The following PAPPA variants were observed in gnomAD, a reference collection of about 807,000 sequenced individuals.
PAPPA encodes pappalysin 1.
In PAPPA, 60 loss-of-function variants were observed where a neutral mutation model predicts 164.0. The observed-to-expected ratio is 0.37, with a 90% CI of 0.30 to 0.45. The LOEUF (loss-of-function observed/expected upper bound fraction) is 0.45, where lower values mean the gene tolerates loss of function less well. Ranked by LOEUF, PAPPA falls within the 20% of genes least tolerant of loss-of-function variation. The pLI, the probability that PAPPA is intolerant of heterozygous loss-of-function variation, is 1.00. For synonymous variants in PAPPA, 875 were observed against 814.1 expected, an observed-to-expected ratio of 1.07 and a Z score of -1.27; for missense variants, 1,782 against 2,087.3, an observed-to-expected ratio of 0.85 and a Z score of 2.85.
At chr9:116,276,753 T>A (rs1303163528) in intron 9 of PAPPA, among the ~76,000 whole-genome samples, 1 of 152,116 alleles carries the variant, frequency 6.6e-6, no homozygotes, top group African/African-American at 2.4e-5. Flanking sequence ...GCCATTAGCA[T>A]CACTCTGTGA....
At chr9:116,174,019 A>G (rs1843802592) in intron 1 of PAPPA, among the ~76,000 whole-genome samples, 1 of 152,196 alleles carries the variant, frequency 6.6e-6, no homozygotes, top group Non-Finnish European at 1.5e-5. Flanking sequence ...TCACTTGGCC[A>G]ACAGGTTACT....
chr9:116,360,191 A>G (rs1224651648), intron 17 of PAPPA, among the ~76,000 whole-genome samples: 1 of 152,242 alleles, frequency 6.6e-6, no homozygotes, highest in African/African-American at 2.4e-5. Context: ...CCAAGGCTCC[A>G]GGAAATTGGG....
At chr9:116,208,858 G>T (rs926864458) in intron 3 of PAPPA, among the ~76,000 whole-genome samples, 2 of 152,140 alleles carry the variant, frequency 1.3e-5, no homozygotes, top group Non-Finnish European at 2.9e-5. Context: ...GTGTGCATGT[G>T]TGTGGTTGTA....
At chr9:116,371,078 G>A (rs1846566699) in intron 19 of PAPPA, among the ~76,000 whole-genome samples, 1 of 152,152 alleles carries the variant, frequency 6.6e-6, no homozygotes, top group Non-Finnish European at 1.5e-5. Flanking sequence ...AACCAGGCAG[G>A]TGGAGAAATG....
chr9:116,266,324 C>T (rs1424433414), intron 8 of PAPPA, among the ~76,000 whole-genome samples: 1 of 152,200 alleles, frequency 6.6e-6, no homozygotes, highest in Non-Finnish European at 1.5e-5. Flanking sequence ...TCACAGCGTA[C>T]ATTCAGTTAA....
At chr9:116,157,746 A>G (rs1477296553) in intron 1 of PAPPA, among the ~76,000 whole-genome samples, 3 of 152,052 alleles carry the variant, frequency 2.0e-5, no homozygotes, top group Admixed American at 6.5e-5. Flanking sequence ...ACACGGACCC[A>G]CCACCCACAC....
At chr9:116,373,424 A>G (rs978680245) in intron 19 of PAPPA, 12 of 151,902 alleles carry the variant, frequency 7.9e-5, no homozygotes, top group African/African-American at 2.9e-4. Flanking sequence ...GCAAATAATT[A>G]ATAATAATAA....
At chr9:116,196,452 T>C (rs1462145145) in intron 2 of PAPPA, among the ~76,000 whole-genome samples, 1 of 152,188 alleles carries the variant, frequency 6.6e-6, no homozygotes, top group Non-Finnish European at 1.5e-5. Flanking sequence ...CCTTCCAGGT[T>C]AGGAAACAAA....
Position 116,302,788 on chromosome 9 carries a change from T to C in PAPPA, c.2985T>C (p.Gly995=). 2 of 1,613,640 alleles carry C rather than the reference T, an allele frequency of 1.2e-6. No individual in the cohort carries two copies. The highest frequency in any genetic ancestry group is 1.7e-6 in the Non-Finnish European group (2 of 1,179,684). ...CCAGCCGGTGCTATTTCCATGATGG[T>C]GATGGGGTATGTGAGGAGTTTGAAC... ...DEPSRCYFHD[G]DGVCEEFEQK... The change falls in exon 10 of 22, where the codon GGT becomes GGC. Residue 995 remains glycine (G), a synonymous_variant. Coordinates refer to ENST00000328252, the MANE Select transcript of PAPPA (RefSeq NM_002581.5).
At position 116,156,336 on chromosome 9, in the gene PAPPA, A is replaced by G. The variant is rs866495579; in HGVS notation, c.415+1749A>G. Among the ~76,000 whole-genome samples, 109 of 75,734 alleles carry G rather than the reference A, an allele frequency of 1.4e-3. 2 individuals are homozygous for G. The highest frequency in any genetic ancestry group is 8.3e-4 in the East Asian group (3 of 3,626). 49.7% of individuals were successfully genotyped at this position (75,734 alleles called of 152,430 possible). On this transcript the variant is annotated intron_variant, in intron 1 of 21. Coordinates refer to ENST00000328252, the MANE Select transcript of PAPPA (RefSeq NM_002581.5). Reference sequence around the variant, plus strand: ...TATATGTGTGTATATATATATGTGTATATATATATATGTATATATATATAT... The same window carrying G: ...TATATGTGTGTATATATATATGTGTGTATATATATATGTATATATATATAT...
chr9:116,201,191 G>A (rs1439693712), intron 2 of PAPPA, among the ~76,000 whole-genome samples: 2 of 152,188 alleles, frequency 1.3e-5, no homozygotes, highest in Non-Finnish European at 2.9e-5. Flanking sequence ...TCACAGCTTG[G>A]AGAAAGCTTG....
intron 9 of PAPPA, among the ~76,000 whole-genome samples, chr9:116,285,655 G>A (rs1845329713): frequency 6.6e-6 from 1 of 152,134 alleles, no homozygotes; most frequent in Non-Finnish European, 1.5e-5. Flanking sequence ...TGTACCTCAT[G>A]AGGGTCAGAA....
chr9:116,307,576 G>A (rs1343816086), intron 10 of PAPPA, among the ~76,000 whole-genome samples: 1 of 152,028 alleles, frequency 6.6e-6, no homozygotes, highest in Non-Finnish European at 1.5e-5. Flanking sequence ...TCCAGCCTTG[G>A]TGATGAGAGG....
chr9:116,391,602 C>T (rs1337257202), intron 21 of PAPPA, among the ~76,000 whole-genome samples: 2 of 152,238 alleles, frequency 1.3e-5, no homozygotes, highest in Non-Finnish European at 2.9e-5. Context: ...CACTCACACT[C>T]ACAGATGGAG....
intron 2 of PAPPA, among the ~76,000 whole-genome samples, chr9:116,201,381 T>C (rs962285029): frequency 1.3e-5 from 2 of 152,180 alleles, no homozygotes; most frequent in African/African-American, 4.8e-5. Context: ...CAAGCTACAA[T>C]CAGAATTTGG....
At chr9:116,321,519 C>T (rs191505938) in intron 10 of PAPPA, among the ~76,000 whole-genome samples, 1 of 152,244 alleles carries the variant, frequency 6.6e-6, no homozygotes, top group East Asian at 1.9e-4. Context: ...GATTTAGAGG[C>T]CTACCTTCAG....
At chr9:116,158,588 G>A (rs1389961509) in intron 1 of PAPPA, among the ~76,000 whole-genome samples, 2 of 152,288 alleles carry the variant, frequency 1.3e-5, no homozygotes, top group South Asian at 2.1e-4. Context: ...CTTGGACATG[G>A]AAGGTACTTA....
At chr9:116,383,015 T>TTATC (rs1385431861) in intron 21 of PAPPA, among the ~76,000 whole-genome samples, 1 of 152,230 alleles carries the variant, frequency 6.6e-6, no homozygotes, top group South Asian at 2.1e-4. Context: ...GAGCATTTTA[T>TTATC]TATCTATCTT....
intron 9 of PAPPA, among the ~76,000 whole-genome samples, chr9:116,291,950 A>T (rs1039618304): frequency 2.0e-5 from 3 of 152,184 alleles, no homozygotes; most frequent in African/African-American, 7.2e-5. Context: ...ACTGCTTGTT[A>T]CTTGAATATT....
Sources: gnomAD v4.1 joint callset for allele counts (sites outside exome capture counted in the v4.1 genomes callset) on GRCh38, gnomAD v4.1.1 for gene constraint, MANE v1.5 for transcripts, NCBI Gene and HGNC (gene_info 2026-07-23, HGNC 2026-07-21) for gene names.